CMTM4: variants seen among roughly 807,000 people sequenced by gnomAD.
CMTM4 encodes CKLF like MARVEL transmembrane domain containing 4.
In CMTM4, 8 loss-of-function variants were observed where a neutral mutation model predicts 19.0. The ratio of observed to expected loss-of-function variants is 0.42; its 90% CI spans 0.25 to 0.76. CMTM4 has a LOEUF of 0.76. Among genes scored for constraint, CMTM4 ranks in the 30% least tolerant of loss-of-function variants. The probability of loss-of-function intolerance (pLI) is 0.27; values close to 1 mark genes in which losing one functional copy is unlikely to be tolerated. For missense variants in CMTM4, 228 were observed against 290.2 expected (o/e 0.79, Z 1.56); for synonymous variants, 106 against 121.1 (o/e 0.88, Z 0.82).
chr16:66,657,246 G>A (rs937445501), intron 1 of CMTM4, among the ~76,000 whole-genome samples: 4 of 152,026 alleles, frequency 2.6e-5, no homozygotes, highest in East Asian at 1.9e-4. Context: ...TACCACGTCC[G>A]GCTAATTTTT....
chr16:66,651,230 G>A (rs952726592), intron 1 of CMTM4, among the ~76,000 whole-genome samples: 1 of 152,124 alleles, frequency 6.6e-6, no homozygotes, highest in African/African-American at 2.4e-5. Context: ...CTACAGAAGA[G>A]GCACGAAGCC....
At chr16:66,643,836 C>T (rs1419378445) in intron 1 of CMTM4, among the ~76,000 whole-genome samples, 1 of 152,204 alleles carries the variant, frequency 6.6e-6, no homozygotes, top group South Asian at 2.1e-4. Context: ...TCACCGCAAC[C>T]TCTGCCTTCC....
intron 1 of CMTM4, among the ~76,000 whole-genome samples, chr16:66,667,243 G>A (rs1272711296): frequency 6.6e-6 from 1 of 151,682 alleles, no homozygotes; most frequent in Non-Finnish European, 1.5e-5. Context: ...GAGAATCGCT[G>A]GAACCTGGGA....
chr16:66,685,518 G>A (rs2017014604), intron 1 of CMTM4, among the ~76,000 whole-genome samples: 1 of 152,146 alleles, frequency 6.6e-6, no homozygotes, highest in South Asian at 2.1e-4. Context: ...GCTGGAAAGA[G>A]CTCTCTCCCA....
chr16:66,652,596 C>A (rs1434379189), intron 1 of CMTM4, among the ~76,000 whole-genome samples: 1 of 152,190 alleles, frequency 6.6e-6, no homozygotes, highest in African/African-American at 2.4e-5. Flanking sequence ...AATTTTCATA[C>A]TTAGAAGCAT....
rs1458703500 is a variant in CMTM4, at chr16:66,619,827, G to A, written c.*2231C>T. ...GCACAAAGGATATTAAATAGTTACAGGGACATAAATAATTCTGAAGAGTCT... is the reference window on the plus strand; with the variant it reads ...GCACAAAGGATATTAAATAGTTACAAGGACATAAATAATTCTGAAGAGTCT... On this transcript the variant is annotated 3_prime_UTR_variant, in exon 4 of 4. Coordinates refer to ENST00000394106, the MANE Select transcript of CMTM4 (RefSeq NM_181521.3). 3.0e-6 allele frequency: 3 copies of A among 985,232 alleles called. No homozygotes were observed. The highest frequency in any genetic ancestry group is 2.4e-6 in the Non-Finnish European group (2 of 829,928). 61.0% of individuals were successfully genotyped at this position (985,232 alleles called of 1,614,324 possible). A position where few individuals can be genotyped will look rare whatever the true frequency, so the allele number is the denominator to read the frequency against.
intron 1 of CMTM4, among the ~76,000 whole-genome samples, chr16:66,677,163 G>A (rs931263577): frequency 2.6e-5 from 4 of 152,240 alleles, no homozygotes; most frequent in Admixed American, 2.0e-4. Context: ...TTGGGACGAG[G>A]AAGGTTGAGG....
Position 66,696,504 on chromosome 16 carries a change from C to G in CMTM4, c.22G>C (p.Asp8His). ...CTCGAGGCCTCGCCCTCGAAGCCGT[C>G]CAGCTCCTCGCCGCTCCGCATGCTG... MRSGEEL[D>H]GFEGEASSTS... is the part of the protein sequence containing the mutation. The change falls in exon 1 of 4, where the codon GAC (aspartate) becomes CAC (histidine). Residue 8 changes from aspartate to histidine, a missense_variant. Asp to His is a moderately conservative substitution (Grantham distance 81, BLOSUM62 -1). Around this residue, in one of 3 missense-constraint regions of CMTM4, gnomAD observed 21 missense variants for 43.1 expected, o/e 0.49. Coordinates refer to ENST00000394106, the MANE Select transcript of CMTM4 (RefSeq NM_181521.3). The surrounding 1 kb of genome is among the most constrained non-coding windows in gnomAD (Gnocchi z 4.3). The G allele has an allele frequency of 8.2e-7, 1 of 1,222,542 alleles. No homozygotes were observed. The highest frequency in any genetic ancestry group is 1.0e-6 in the Non-Finnish European group (1 of 980,020). The allele number at this position is 1,222,542 out of a possible 1,614,324, so 75.7% of individuals were successfully genotyped here. A position where few individuals can be genotyped will look rare whatever the true frequency, so the allele number is the denominator to read the frequency against.
chr16:66,650,815 A>T (rs2016296121), intron 1 of CMTM4, among the ~76,000 whole-genome samples: 1 of 152,208 alleles, frequency 6.6e-6, no homozygotes, highest in Non-Finnish European at 1.5e-5. Context: ...CACAATTTAC[A>T]GAGTAAAAAC....
rs1452832170 is a variant in CMTM4, at chr16:66,696,628, C to G, written c.-103G>C. ...TCGCCGCCGCCGCCGCCGCCGCCGC[C>G]GCCCGACTGACTGCCCGCGGCCCGC... On this transcript the variant is annotated 5_prime_UTR_variant, in exon 1 of 4. Coordinates refer to ENST00000394106, the MANE Select transcript of CMTM4 (RefSeq NM_181521.3). The surrounding 1 kb of genome is among the most constrained non-coding windows in gnomAD (Gnocchi z 4.3). 4.5e-6 allele frequency: 3 copies of G among 662,790 alleles called. No individual in the cohort carries two copies. In the African/African-American group the frequency reaches 6.0e-5, roughly 13 times the overall value. The allele number at this position is 662,790 out of a possible 1,614,324, so 41.1% of individuals were successfully genotyped here.
rs920519208 is a variant in CMTM4, at chr16:66,618,948, C to T, written c.*3110G>A. The T allele has an allele frequency of 6.1e-6, 6 of 985,520 alleles. No homozygotes were observed. In the Admixed American group the frequency reaches 3.1e-4, roughly 50 times the overall value. 61.0% of individuals were successfully genotyped at this position (985,520 alleles called of 1,614,324 possible). A position where few individuals can be genotyped will look rare whatever the true frequency, so the allele number is the denominator to read the frequency against. ...GGACTTGCCCATGCTGGCTTCAGCT[C>T]ACATTGCCAAGGAAGATGTGTATTG... On this transcript the variant is annotated 3_prime_UTR_variant, in exon 4 of 4. Transcript: ENST00000394106.
intron 1 of CMTM4, among the ~76,000 whole-genome samples, chr16:66,673,071 ATT>A (rs758565705): frequency 1.8e-4 from 16 of 86,744 alleles, no homozygotes; most frequent in African/African-American, 5.0e-4. Context: ...CACCACACCA[ATT>A]TTTTTTTTTT....
chr16:66,636,631 C>A, intron 1 of CMTM4, 50 bp from the exon 2 acceptor site: 1 of 1,456,114 alleles, frequency 6.9e-7, no homozygotes, highest in Non-Finnish European at 9.6e-7. Context: ...TAGTATACAT[C>A]TGCGGACATA....
At chr16:66,651,546 C>CTAGTTCCTCCCCTAT (rs2016311256) in intron 1 of CMTM4, among the ~76,000 whole-genome samples, 1 of 152,178 alleles carries the variant, frequency 6.6e-6, no homozygotes, top group South Asian at 2.1e-4. Flanking sequence ...GGTCCCAAAG[C>CTAGTTCCTCCCCTAT]TAGTTCCTCC....
In CMTM4 at chr16:66,678,046, C is replaced by A. The variant is rs184890210; in HGVS notation, c.186+18294G>T. The stretch of plus-strand genomic sequence containing the variant: ...AAGTGACCAGGGTCAGGTGTGGTGG[C>A]ACGTGCCTATACTCCCAGCTACTCA... On this transcript the variant is annotated intron_variant, in intron 1 of 3. Coordinates refer to ENST00000394106, the MANE Select transcript of CMTM4 (RefSeq NM_181521.3). 1.7e-3 allele frequency among the ~76,000 whole-genome samples: 256 copies of A among 152,136 alleles called. 2 individuals are homozygous for A. Among genetic ancestry groups the A allele is most frequent in the Non-Finnish European group, 3.5e-4 (24 of 68,006 alleles).
intron 1 of CMTM4, among the ~76,000 whole-genome samples, chr16:66,653,063 A>G (rs981484123): frequency 2.0e-5 from 3 of 152,186 alleles, no homozygotes; most frequent in African/African-American, 7.2e-5. Flanking sequence ...TCATGGTCCT[A>G]GCTTCATAGA....
At chr16:66,660,075 G>A (rs1056477171) in intron 1 of CMTM4, among the ~76,000 whole-genome samples, 1 of 152,114 alleles carries the variant, frequency 6.6e-6, no homozygotes, top group Non-Finnish European at 1.5e-5. Flanking sequence ...AACATCACTA[G>A]CTATTAGGAA....
intron 1 of CMTM4, among the ~76,000 whole-genome samples, chr16:66,674,155 G>A (rs760876936): frequency 9.9e-5 from 15 of 152,212 alleles, no homozygotes; most frequent in Non-Finnish European, 1.5e-4. Flanking sequence ...TCTGGTCTGC[G>A]AAGGGAGGAC....
At chr16:66,695,239 C>A (rs1054060150) in intron 1 of CMTM4, among the ~76,000 whole-genome samples, 2 of 151,994 alleles carry the variant, frequency 1.3e-5, no homozygotes, top group African/African-American at 4.8e-5. Flanking sequence ...CCCAGCTACT[C>A]GGGAAGCTGA....
Sources: gnomAD v4.1 joint callset for allele counts (sites outside exome capture counted in the v4.1 genomes callset) on GRCh38, gnomAD v4.1.1 for gene constraint, gnomAD v4.1.1 regional missense constraint, Gnocchi (gnomAD v3.1) non-coding constraint, MANE v1.5 for transcripts, NCBI Gene and HGNC (gene_info 2026-07-23, HGNC 2026-07-21) for gene names.